The following ZNF292 variants were observed in gnomAD, a reference collection of about 807,000 sequenced individuals.
The protein encoded by ZNF292 is 16 zinc-finger domain protein.
A neutral mutation model predicts 217.9 loss-of-function variants in ZNF292; 26 were observed. The ratio of observed to expected loss-of-function variants is 0.12; its 90% CI spans 0.09 to 0.17. ZNF292 has a LOEUF of 0.17. ZNF292 is among the 10% of genes least tolerant of loss of function. ZNF292 has a pLI of 1.00. For missense variants in ZNF292, 2,904 were observed against 3,175.2 expected (o/e 0.91, Z 2.05); for synonymous variants, 1,257 against 1,124.1 (o/e 1.12, Z -2.37).
intron 1 of ZNF292, among the ~76,000 whole-genome samples, chr6:87,215,561 A>C (rs935309618): frequency 6.6e-6 from 1 of 152,140 alleles, no homozygotes; most frequent in African/African-American, 2.4e-5. Context: ...CAAATTCTTC[A>C]CTGCATGCCT....
chr6:87,203,955 T>C (rs1772169068), intron 1 of ZNF292, among the ~76,000 whole-genome samples: 2 of 152,166 alleles, frequency 1.3e-5, no homozygotes, highest in Admixed American at 1.3e-4. Context: ...GGGCAGACAC[T>C]ACTTTAATCA....
chr6:87,258,644 A>G lies in ZNF292; in HGVS notation c.5015A>G (p.Asn1672Ser), dbSNP rs1775379089. The G allele has an allele frequency of 6.2e-7, 1 of 1,613,614 alleles. No homozygotes were observed. The highest frequency in any genetic ancestry group is 2.2e-5 in the East Asian group (1 of 44,874). ...ATCCCAACTACTAACCTTCATTCAA[A>G]TGTAATTCCAACTTGTGAACCTCAG... ...VEIPTTNLHS[N>S]VIPTCEPQSL... is the part of the protein sequence containing the mutation. The change falls in exon 8 of 8, where the codon AAT becomes AGT. Residue 1672 changes from asparagine (N) to serine (S), a missense_variant. Physicochemically the swap from Asn to Ser is conservative, Grantham distance 46. Around this residue, in one of 15 missense-constraint regions of ZNF292, gnomAD observed 622 missense variants for 573.1 expected, o/e 1.09. Transcript: ENST00000369577.
chr6:87,236,883 C>CT (rs1042473572), intron 5 of ZNF292, among the ~76,000 whole-genome samples: 48 of 152,240 alleles, frequency 3.2e-4, no homozygotes, highest in African/African-American at 9.9e-4. Flanking sequence ...TTTGTAATAT[C>CT]TTTAACCAGA....
chr6:87,246,486 T>C (rs1774590382), intron 7 of ZNF292, among the ~76,000 whole-genome samples: 1 of 152,174 alleles, frequency 6.6e-6, no homozygotes, highest in South Asian at 2.1e-4. Context: ...TCACCTAACC[T>C]GGAGATTGGG....
intron 7 of ZNF292, among the ~76,000 whole-genome samples, chr6:87,248,252 C>T (rs1774711422): frequency 6.6e-6 from 1 of 152,174 alleles, no homozygotes; most frequent in South Asian, 2.1e-4. Context: ...AAAGATACTT[C>T]CCTATCCCTC....
At chr6:87,210,159 T>G (rs933104926) in intron 1 of ZNF292, among the ~76,000 whole-genome samples, 1 of 152,216 alleles carries the variant, frequency 6.6e-6, no homozygotes, top group Admixed American at 6.5e-5. Flanking sequence ...TGTTCTAGAC[T>G]CTGCTTATTT....
At chr6:87,158,456 T>C (rs1770617043) in intron 1 of ZNF292, among the ~76,000 whole-genome samples, 1 of 152,100 alleles carries the variant, frequency 6.6e-6, no homozygotes, top group Non-Finnish European at 1.5e-5. Flanking sequence ...GGCGGATCGC[T>C]TGAGCCTGAG....
At chr6:87,168,137 T>C (rs140980656) in intron 1 of ZNF292, among the ~76,000 whole-genome samples, 3 of 152,334 alleles carry the variant, frequency 2.0e-5, no homozygotes, top group Non-Finnish European at 2.9e-5. Flanking sequence ...CAGGCACTGT[T>C]AGATGCTTTA....
chr6:87,173,165 G>A (rs1339521192), intron 1 of ZNF292, among the ~76,000 whole-genome samples: 1 of 150,044 alleles, frequency 6.7e-6, no homozygotes, highest in Non-Finnish European at 1.5e-5. Context: ...AATAATATTG[G>A]AATTCTCCAG....
intron 3 of ZNF292, among the ~76,000 whole-genome samples, chr6:87,217,098 A>C (rs139896220): frequency 1.1e-4 from 17 of 152,058 alleles, no homozygotes; most frequent in Admixed American, 6.5e-5. Context: ...TTTCAAAGCT[A>C]TAGTTCTCTT....
chr6:87,256,093 G>T lies in ZNF292; in HGVS notation c.2464G>T (p.Gly822Cys). The part of the protein sequence containing the change: ...TGCGKVYRSQ[G>C]ELEKHLDDHS... The stretch of plus-strand genomic sequence containing the variant: ...TTGTGGTAAAGTTTATCGTTCTCAG[G>T]GTGAGCTGGAAAAGCATCTGGATGA... Residue 822 changes from glycine to cysteine, a missense_variant, in exon 8 of 8, where the codon GGT becomes TGT. Gly to Cys is a radical substitution (Grantham distance 159). Transcript: ENST00000369577. 6.2e-7 allele frequency: 1 copy of T among 1,613,294 alleles called. No homozygotes were observed.
Position 87,264,544 on chromosome 6 carries a change from A to G in ZNF292, c.*2743A>G, listed in dbSNP as rs1339429157. On this transcript the variant is annotated 3_prime_UTR_variant, in exon 8 of 8. Transcript: ENST00000369577. ...GAATGCCCTATTTTTCTGGAAAAGG[A>G]GGTAGGTAGTTGGGAAAGTCTTTGT... Among the ~76,000 whole-genome samples the G allele has an allele frequency of 1.3e-5, 2 of 152,176 alleles. No individual in the cohort carries two copies. The highest frequency in any genetic ancestry group is 2.9e-5 in the Non-Finnish European group (2 of 68,024).
intron 1 of ZNF292, among the ~76,000 whole-genome samples, chr6:87,172,259 A>C (rs1213551991): frequency 1.3e-5 from 2 of 152,116 alleles, no homozygotes; most frequent in Non-Finnish European, 2.9e-5. Context: ...GTAATCAGGA[A>C]ATTTCCCAGT....
chr6:87,209,383 G>C (rs1279215760), intron 1 of ZNF292, among the ~76,000 whole-genome samples: 1 of 152,158 alleles, frequency 6.6e-6, no homozygotes, highest in Non-Finnish European at 1.5e-5. Context: ...GGGGAGAGGA[G>C]AGTAAGGTGC....
rs757553585 is a variant in ZNF292, at chr6:87,155,604, G to C, written c.13G>C (p.Glu5Gln). The change falls in exon 1 of 8, where the codon GAG becomes CAG. Residue 5 changes from glutamate to glutamine, a missense_variant. Around this residue, in one of 15 missense-constraint regions of ZNF292, gnomAD observed 66 missense variants for 44.1 expected, o/e 1.50. Transcript: ENST00000369577. ...GCGGGGTGTGAAGATGGCGGACGAAGAGGCCGAGCAGGAGAGGTTGAGTTG... is the reference window on the plus strand; with the variant it reads ...GCGGGGTGTGAAGATGGCGGACGAACAGGCCGAGCAGGAGAGGTTGAGTTG... MADE[E>Q]AEQERLSCGE... The C allele has an allele frequency of 6.3e-7, 1 of 1,581,092 alleles. No individual in the cohort carries two copies. Among genetic ancestry groups the C allele is most frequent in the African/African-American group, 1.3e-5 (1 of 74,496 alleles).
Position 87,260,876 on chromosome 6 carries a change from T to C in ZNF292, c.7247T>C (p.Phe2416Ser). 1 of 1,610,676 alleles carries C rather than the reference T, an allele frequency of 6.2e-7. No homozygotes were observed. The highest frequency in any genetic ancestry group is 8.5e-7 in the Non-Finnish European group (1 of 1,178,266). Residue 2416 changes from phenylalanine to serine, a missense_variant, in exon 8 of 8, where the codon TTT becomes TCT. By Grantham distance (155) the Phe-to-Ser change is radical (BLOSUM62 -2). Around this residue, in one of 15 missense-constraint regions of ZNF292, gnomAD observed 380 missense variants for 355.3 expected, o/e 1.07. Transcript: ENST00000369577. ...HYKCHKLSKA[F>S]TSQHRNLLIV... ...AAGTGCCATAAATTATCTAAGGCAT[T>C]TACATCACAACACCGAAATCTTCTT...
chr6:87,206,420 C>T (rs1772255843), intron 1 of ZNF292, among the ~76,000 whole-genome samples: 2 of 152,204 alleles, frequency 1.3e-5, no homozygotes, highest in South Asian at 4.2e-4. Flanking sequence ...GAGATTCCCC[C>T]TTCATTCACA....
chr6:87,231,133 AAAGT>A (rs1773632887), intron 4 of ZNF292, among the ~76,000 whole-genome samples: 1 of 152,146 alleles, frequency 6.6e-6, no homozygotes, highest in Non-Finnish European at 1.5e-5. Flanking sequence ...GTGGGAAAAA[AAAGT>A]AGTGAAGAAG....
At chr6:87,170,759 T>C (rs78444601) in intron 1 of ZNF292, among the ~76,000 whole-genome samples, 1 of 152,234 alleles carries the variant, frequency 6.6e-6, no homozygotes, top group Non-Finnish European at 1.5e-5. Flanking sequence ...CATTAGATAC[T>C]GTGAATTAAA....
Sources: gnomAD v4.1 joint callset for allele counts (sites outside exome capture counted in the v4.1 genomes callset) on GRCh38, gnomAD v4.1.1 for gene constraint, gnomAD v4.1.1 regional missense constraint, MANE v1.5 for transcripts, NCBI Gene and HGNC (gene_info 2026-07-23, HGNC 2026-07-21) for gene names.